The following PHRF1 variants were observed in gnomAD, a reference collection of about 807,000 sequenced individuals.
PHRF1 encodes PHD and RING finger domain-containing protein 1.
PHRF1 carries 53 observed loss-of-function variants against 128.9 expected under a neutral mutation model. The ratio of observed to expected loss-of-function variants is 0.41; its 90% CI spans 0.33 to 0.52. The LOEUF is 0.52. PHRF1 is among the 20% of genes least tolerant of loss of function. The pLI is 0.21. For synonymous variants in PHRF1, 1,178 were observed against 980.6 expected, an observed-to-expected ratio of 1.20 and a Z score of -3.76; for missense variants, 2,503 against 2,284.5, an observed-to-expected ratio of 1.10 and a Z score of -1.95.
chr11:590,785 C>G (rs1402742246), intron 4 of PHRF1, among the ~76,000 whole-genome samples: 1 of 152,118 alleles, frequency 6.6e-6, no homozygotes, highest in Non-Finnish European at 1.5e-5. Flanking sequence ...CTCACCGCAA[C>G]CTCAGCCTCT....
chr11:593,425 C>A (rs1050663938), intron 6 of PHRF1, among the ~76,000 whole-genome samples: 1 of 152,256 alleles, frequency 6.6e-6, no homozygotes, highest in African/African-American at 2.4e-5. Context: ...GAGGCCTTGA[C>A]GTGCCGCGGC....
chr11:584,003 G>C (rs779898923), intron 3 of PHRF1, among the ~76,000 whole-genome samples: 1 of 152,232 alleles, frequency 6.6e-6, no homozygotes, highest in Non-Finnish European at 1.5e-5. Context: ...CAGTCTTTCT[G>C]CATAGCCCTG....
At chr11:578,836 C>T (rs544562926) in intron 1 of PHRF1, among the ~76,000 whole-genome samples, 1 of 152,148 alleles carries the variant, frequency 6.6e-6, no homozygotes, top group Admixed American at 6.5e-5. Flanking sequence ...CAAGCATGAG[C>T]CACCACGCCC....
intron 1 of PHRF1, among the ~76,000 whole-genome samples, chr11:577,481 C>G (rs537537047): frequency 6.6e-4 from 100 of 152,352 alleles, no homozygotes; most frequent in African/African-American, 2.1e-3. Context: ...CTGGACCATC[C>G]GGTTTTCTTT....
At chr11:585,173 C>T (rs1854458389) in intron 3 of PHRF1, among the ~76,000 whole-genome samples, 1 of 152,192 alleles carries the variant, frequency 6.6e-6, no homozygotes, top group Admixed American at 6.5e-5. Flanking sequence ...GCTTTTCCCA[C>T]CCTGGTGTTT....
rs780633720 is a variant in PHRF1, at chr11:605,704, C to T, written c.1434C>T (p.Pro478=). 6 of 1,611,972 alleles carry T rather than the reference C, an allele frequency of 3.7e-6. No individual in the cohort carries two copies. The highest frequency in any genetic ancestry group is 4.5e-5 in the East Asian group (2 of 44,900). ...ALQSHQPVAR[P]VSVGLSRRRL... ...AGTCCCACCAGCCCGTGGCCAGGCC[C>T]GTCTCCGTGGGGCTTTCCAGGTGTG... The change falls in exon 12 of 18, where the codon CCC becomes CCT. Residue 478 remains proline (P), a synonymous_variant. Transcript: ENST00000264555.
In PHRF1 at chr11:582,806, G is replaced by C. The variant is rs572474576; in HGVS notation, c.214+725G>C. Among the ~76,000 whole-genome samples the C allele has an allele frequency of 2.0e-5, 3 of 151,928 alleles. No individual in the cohort carries two copies. The South Asian group carries it at 6.2e-4, about 32-fold the overall frequency. On this transcript the variant is annotated intron_variant, in intron 3 of 17. Coordinates refer to ENST00000264555, the MANE Select transcript of PHRF1 (RefSeq NM_001286581.2). ...CCCAAAGTGCTGGGATTACAGGCGTGAGCCACCGCGCCCGGCCTTTTTTCA... is the reference window on the plus strand; with the variant it reads ...CCCAAAGTGCTGGGATTACAGGCGTCAGCCACCGCGCCCGGCCTTTTTTCA...
rs71022937 is a variant in PHRF1 at position 603,729 on chromosome 11, GTTTTTTT to G, written c.1153-1374_1153-1368del. On this transcript the variant is annotated intron_variant, in intron 10 of 17. Coordinates refer to ENST00000264555, the MANE Select transcript of PHRF1 (RefSeq NM_001286581.2). ...TTTATCTAAAACCATATTTAAGTTT[GTTTTTTT>G]TTTTTTTTTTTTTTTGAGATGGAGT... Among the ~76,000 whole-genome samples the G allele has an allele frequency of 5.3e-3, 412 of 78,256 alleles. 1 individual carries two copies. The highest frequency in any genetic ancestry group is 0.046 in the South Asian group (95 of 2,058). The allele number at this position is 78,256 out of a possible 152,430, so 51.3% of individuals were successfully genotyped here.
chr11:599,975 C>T (rs1456346346), intron 9 of PHRF1, among the ~76,000 whole-genome samples: 1 of 152,232 alleles, frequency 6.6e-6, no homozygotes, highest in East Asian at 1.9e-4. Flanking sequence ...CACAGTTTGT[C>T]CTGTTGATGG....
At chr11:611,281 C>G (rs1856378886) in intron 17 of PHRF1, among the ~76,000 whole-genome samples, 199 bp downstream of exon 17, 1 of 152,158 alleles carries the variant, frequency 6.6e-6, no homozygotes, top group African/African-American at 2.4e-5. Flanking sequence ...CTGGCAGATG[C>G]TTAGGAAGGA....
intron 9 of PHRF1, 106 bp from the exon 10 acceptor site, chr11:601,468 C>A: frequency 6.7e-7 from 1 of 1,494,840 alleles, no homozygotes; most frequent in Admixed American, 2.2e-5. Flanking sequence ...TGCGTGTGGT[C>A]CCGCTGTACC....
At chr11:596,757 G>A (rs980259505) in intron 6 of PHRF1, among the ~76,000 whole-genome samples, 166 bp from the exon 7 acceptor site, 1 of 152,110 alleles carries the variant, frequency 6.6e-6, no homozygotes, top group Non-Finnish European at 1.5e-5. Flanking sequence ...GTCACATTGG[G>A]GGTTAGGGCT....
Position 607,092 on chromosome 11 carries a change from G to C in PHRF1, c.1636G>C (p.Gly546Arg), listed in dbSNP as rs765925613. 2 of 1,559,646 alleles carry C rather than the reference G, an allele frequency of 1.3e-6. No individual in the cohort carries two copies. The highest frequency in any genetic ancestry group is 1.7e-4 in the Middle Eastern group (1 of 5,814). Residue 546 changes from glycine (G) to arginine (R), a missense_variant, in exon 14 of 18, where the codon GGC becomes CGC. By Grantham distance (125) the Gly-to-Arg change is moderately radical (BLOSUM62 -2). Coordinates refer to ENST00000264555, the MANE Select transcript of PHRF1 (RefSeq NM_001286581.2). ...AAPVSFQRNS[G>R]SLSRGEEGFK... ...TCCAGTTTCTTTTCAGCGAAACTCA[G>C]GCAGTCTGTCCAGAGGGGAAGAAGG... is the stretch of plus-strand genomic sequence containing the variant.
At position 608,103 on chromosome 11, in the gene PHRF1, A is replaced by G. The variant is rs756489384; in HGVS notation, c.2647A>G (p.Thr883Ala). The change falls in exon 14 of 18, where the codon ACG becomes GCG. Residue 883 changes from threonine (T) to alanine (A), a missense_variant. Transcript: ENST00000264555. Reference sequence around the variant, plus strand: ...GGCTGTGCGCTGCGTCACCTCCTACACGGTGGAGAGCATCTTTGGTACAGA... The same window carrying G: ...GGCTGTGCGCTGCGTCACCTCCTACGCGGTGGAGAGCATCTTTGGTACAGA... The part of the protein sequence containing the change: ...VQAVRCVTSY[T>A]VESIFGTEPE... The G allele has an allele frequency of 4.3e-6, 7 of 1,611,764 alleles. No individual in the cohort carries two copies. Among genetic ancestry groups the G allele is most frequent in the Non-Finnish European group, 5.9e-6 (7 of 1,179,842 alleles).
At chr11:579,349 T>C (rs1283337985) in intron 1 of PHRF1, among the ~76,000 whole-genome samples, 2 of 152,056 alleles carry the variant, frequency 1.3e-5, no homozygotes, top group African/African-American at 4.8e-5. Context: ...CTTTCAGATA[T>C]GTTTCTCCAG....
At chr11:577,089 C>T (rs933973577) in intron 1 of PHRF1, among the ~76,000 whole-genome samples, 11 of 152,198 alleles carry the variant, frequency 7.2e-5, no homozygotes, top group African/African-American at 1.9e-4. Flanking sequence ...GCATGGTTGC[C>T]GTCGTGGGCT....
chr11:585,588 CTT>C (rs1854487351), intron 3 of PHRF1, among the ~76,000 whole-genome samples: 1 of 122,424 alleles, frequency 8.2e-6, no homozygotes, highest in South Asian at 2.6e-4. Flanking sequence ...CCCTTTCCAG[CTT>C]GAGGTAGTAG....
Position 610,948 on chromosome 11 carries a change from C to T in PHRF1, c.4678-6C>T, listed in dbSNP as rs1402096179. The T allele has an allele frequency of 1.9e-6, 3 of 1,612,902 alleles. No individual in the cohort carries two copies. Among genetic ancestry groups the T allele is most frequent in the African/African-American group, 1.3e-5 (1 of 75,046 alleles). Reference sequence around the variant, plus strand: ...CCTGGCCGCATCACACACATGTCCCCTCTAGTACATGAAGAAGCTGCACAT... The same window carrying T: ...CCTGGCCGCATCACACACATGTCCCTTCTAGTACATGAAGAAGCTGCACAT... On this transcript the variant is annotated splice_region_variant and splice_polypyrimidine_tract_variant and intron_variant, in intron 16 of 17. Coordinates refer to ENST00000264555, the MANE Select transcript of PHRF1 (RefSeq NM_001286581.2).
intron 11 of PHRF1, 94 bp downstream of exon 11, chr11:605,394 TTTTGTG>T: frequency 3.3e-6 from 5 of 1,517,704 alleles, no homozygotes; most frequent in Non-Finnish European, 4.5e-6. Context: ...AGGCGTTAGG[TTTTGTG>T]TTTGAGAGTG....
Sources: allele counts gnomAD v4.1 joint callset (sites outside exome capture counted in the v4.1 genomes callset), GRCh38; gene constraint gnomAD v4.1.1; transcripts MANE v1.5; gene names NCBI Gene and HGNC (gene_info 2026-07-23, HGNC 2026-07-21).